The following SOBP variants were observed in gnomAD, a reference collection of about 807,000 sequenced individuals.
The protein encoded by SOBP is sine oculis binding protein homolog.
A neutral mutation model predicts 53.6 loss-of-function variants in SOBP; 4 were observed. The ratio of observed to expected loss-of-function variants is 0.07; its 90% CI spans 0.04 to 0.17. The LOEUF is 0.17. SOBP is among the 10% of genes least tolerant of loss of function. The probability of loss-of-function intolerance (pLI) is 1.00; values close to 1 mark genes in which losing one functional copy is unlikely to be tolerated. For synonymous variants in SOBP, 584 were observed against 522.6 expected, an observed-to-expected ratio of 1.12 and a Z score of -1.60; for missense variants, 1,088 against 1,204.7, an observed-to-expected ratio of 0.90 and a Z score of 1.43.
intron 2 of SOBP, 40 bp downstream of exon 2, chr6:107,503,835 A>G (rs1782906882): frequency 2.5e-6 from 4 of 1,610,958 alleles, no homozygotes; most frequent in African/African-American, 1.3e-5. Flanking sequence ...GCAAAGAAGG[A>G]TTAACTATCT....
Position 107,634,327 on chromosome 6 carries a change from A to T in SOBP, c.1483A>T (p.Met495Leu). 1 of 1,583,492 alleles carries T rather than the reference A, an allele frequency of 6.3e-7. No homozygotes were observed. Among genetic ancestry groups the T allele is most frequent in the Non-Finnish European group, 8.5e-7 (1 of 1,172,340 alleles). ...GAGTCTTCCCTTCCCGCCAGTGAGC[A>T]TGATGCCAAATGGCCCGATGCCGGT... is the stretch of plus-strand genomic sequence containing the variant. Reference protein sequence around the residue: ...LPSLPFPPVSMMPNGPMPVPQ... With the variant: ...LPSLPFPPVSLMPNGPMPVPQ... Residue 495 changes from methionine to leucine, a missense_variant, in exon 6 of 7, where the codon ATG becomes TTG. Physicochemically the swap from Met to Leu is conservative, Grantham distance 15 (BLOSUM62 2). Coordinates refer to ENST00000317357, the MANE Select transcript of SOBP (RefSeq NM_018013.4). This position sits in a 1 kb window ranked among gnomAD's most constrained non-coding sequence, Gnocchi z 4.5.
intron 3 of SOBP, among the ~76,000 whole-genome samples, chr6:107,507,804 C>CT (rs1382264938): frequency 6.6e-6 from 1 of 151,788 alleles, no homozygotes. Flanking sequence ...CTTTTCTTTT[C>CT]TTTTTTTAAT....
chr6:107,606,610 C>T (rs1010641018), intron 5 of SOBP, among the ~76,000 whole-genome samples: 1 of 152,310 alleles, frequency 6.6e-6, no homozygotes, highest in South Asian at 2.1e-4. Flanking sequence ...AAATCCCAAA[C>T]TGCCTTTGTG....
chr6:107,570,279 A>G (rs1371044731), intron 4 of SOBP, among the ~76,000 whole-genome samples: 1 of 152,204 alleles, frequency 6.6e-6, no homozygotes, highest in Non-Finnish European at 1.5e-5. Context: ...TTATTTCATG[A>G]TAAGTTTTTA....
At chr6:107,621,782 G>A (rs1050245916) in intron 5 of SOBP, among the ~76,000 whole-genome samples, 12 of 152,192 alleles carry the variant, frequency 7.9e-5, no homozygotes, top group African/African-American at 2.9e-4. Context: ...TCCATAGTGA[G>A]CTTAAGACCA....
At chr6:107,597,393 T>C (rs1785984499) in intron 5 of SOBP, among the ~76,000 whole-genome samples, 1 of 152,162 alleles carries the variant, frequency 6.6e-6, no homozygotes, top group African/African-American at 2.4e-5. Context: ...ATGAATATGA[T>C]AGTAAGTATA....
intron 5 of SOBP, among the ~76,000 whole-genome samples, chr6:107,632,320 T>C (rs1562113340): frequency 6.7e-6 from 1 of 148,286 alleles, no homozygotes; most frequent in African/African-American, 2.5e-5. Flanking sequence ...GCTGAGAAAA[T>C]GGCCCCCCCC....
chr6:107,639,406 T>C lies in SOBP; in HGVS notation c.*3+3937T>C, dbSNP rs1771209361. ...TATGCATTCTTGTGTGTTGATATGA[T>C]TACAAATGATTTCAGTGGACAACTA... On this transcript the variant is annotated intron_variant, in intron 6 of 6. Transcript: ENST00000317357. Among the ~76,000 whole-genome samples, 3 of 152,182 alleles carry C rather than the reference T, an allele frequency of 2.0e-5. No homozygotes were observed. In the South Asian group the frequency reaches 6.2e-4, roughly 32 times the overall value.
In SOBP at chr6:107,634,070, C is replaced by T. The variant is rs373740656; in HGVS notation, c.1226C>T (p.Pro409Leu). 1 of 1,600,796 alleles carries T rather than the reference C, an allele frequency of 6.2e-7. No individual in the cohort carries two copies. Among genetic ancestry groups the T allele is most frequent in the Non-Finnish European group, 8.5e-7 (1 of 1,172,726 alleles). ...CAGCAGATCATGCAGCAGATCCGCC[C>T]GCCCTTCATCCGCGGGCCTCCGCAC... ...MEQQIMQQIRPPFIRGPPHHA... is the reference protein window; with the variant it reads ...MEQQIMQQIRLPFIRGPPHHA... Residue 409 changes from proline (P) to leucine (L), a missense_variant, in exon 6 of 7, where the codon CCG becomes CTG. Physicochemically the swap from Pro to Leu is moderately conservative, Grantham distance 98. This residue lies in a region of SOBP where 211 missense variants were observed against 258.9 expected (regional missense o/e 0.82). Coordinates refer to ENST00000317357, the MANE Select transcript of SOBP (RefSeq NM_018013.4). The surrounding 1 kb of genome is among the most constrained non-coding windows in gnomAD (Gnocchi z 4.5).
Position 107,490,328 on chromosome 6 carries a change from TGCG to T in SOBP, c.-271_-269del, listed in dbSNP as rs529959813. On this transcript the variant is annotated 5_prime_UTR_variant, in exon 1 of 7. Transcript: ENST00000317357. The stretch of plus-strand genomic sequence containing the variant: ...CAGCGGCAGCAGCGGCGGCGTTGGC[TGCG>T]GCGGCGGCGGCGGCGGCAGCAGGAG... 1.1e-3 allele frequency: 172 copies of T among 150,948 alleles called. No individual in the cohort carries two copies. Among genetic ancestry groups the T allele is most frequent in the East Asian group, 2.5e-3 (13 of 5,118 alleles). The allele number at this position is 150,948 out of a possible 1,614,324, so 9.4% of individuals were successfully genotyped here. A position where few individuals can be genotyped will look rare whatever the true frequency, so the allele number is the denominator to read the frequency against.
intron 6 of SOBP, among the ~76,000 whole-genome samples, chr6:107,636,569 G>C (rs1370948941): frequency 6.6e-6 from 1 of 152,228 alleles, no homozygotes; most frequent in Admixed American, 6.5e-5. Context: ...ATCCAAGCGG[G>C]CATCAAACAG....
chr6:107,497,360 C>A (rs1163172920), intron 1 of SOBP, among the ~76,000 whole-genome samples: 1 of 152,132 alleles, frequency 6.6e-6, no homozygotes, highest in Non-Finnish European at 1.5e-5. Context: ...ACCAACAAAT[C>A]CTTTTTATTG....
chr6:107,550,619 A>C (rs959600195), intron 4 of SOBP, among the ~76,000 whole-genome samples: 1 of 152,170 alleles, frequency 6.6e-6, no homozygotes, highest in East Asian at 1.9e-4. Flanking sequence ...GAACCCGGGC[A>C]CCACAGGGTG....
At chr6:107,573,984 G>C (rs1267152102) in intron 4 of SOBP, among the ~76,000 whole-genome samples, 4 of 152,210 alleles carry the variant, frequency 2.6e-5, no homozygotes, top group East Asian at 3.9e-4. Flanking sequence ...GTCTACTACT[G>C]CCTGGCACAC....
At chr6:107,501,181 C>T (rs1355299096) in intron 1 of SOBP, among the ~76,000 whole-genome samples, 1 of 152,162 alleles carries the variant, frequency 6.6e-6, no homozygotes, top group African/African-American at 2.4e-5. Flanking sequence ...GACTTTTCAG[C>T]ACAAACCGTA....
At chr6:107,593,840 T>G (rs188554585) in intron 5 of SOBP, among the ~76,000 whole-genome samples, 61 of 152,296 alleles carry the variant, frequency 4.0e-4, no homozygotes, top group Admixed American at 9.8e-4. Context: ...CTCCTCCCAG[T>G]TTGTTTGGAT....
intron 4 of SOBP, among the ~76,000 whole-genome samples, chr6:107,556,572 T>A (rs1267274838): frequency 1.3e-5 from 2 of 152,370 alleles, no homozygotes; most frequent in African/African-American, 4.8e-5. Flanking sequence ...CAATGTTCTT[T>A]CTTTGTGAAT....
At chr6:107,657,475 T>C (rs569335491) in intron 6 of SOBP, among the ~76,000 whole-genome samples, 9 of 152,218 alleles carry the variant, frequency 5.9e-5, no homozygotes, top group Non-Finnish European at 1.3e-4. Context: ...AAAGCAAGCA[T>C]TTCTTCCAGC....
intron 5 of SOBP, among the ~76,000 whole-genome samples, chr6:107,628,269 G>A (rs1770549190): frequency 6.6e-6 from 1 of 152,240 alleles, no homozygotes. Context: ...TTGAATAGAG[G>A]CTTTTCAGGA....
Sources: allele counts gnomAD v4.1 joint callset (sites outside exome capture counted in the v4.1 genomes callset), GRCh38; gene constraint gnomAD v4.1.1; regional missense constraint gnomAD v4.1.1; non-coding constraint Gnocchi (gnomAD v3.1); transcripts MANE v1.5; gene names NCBI Gene and HGNC (gene_info 2026-07-23, HGNC 2026-07-21).